Variants in CNTNAP2 observed in about 807,000 individuals in gnomAD.
CNTNAP2 encodes contactin associated protein 2.
A neutral mutation model predicts 155.2 loss-of-function variants in CNTNAP2; 98 were observed. The ratio of observed to expected loss-of-function variants is 0.63; its 90% CI spans 0.54 to 0.75. The LOEUF (loss-of-function observed/expected upper bound fraction) is 0.75, where lower values mean the gene tolerates loss of function less well. Among genes scored for constraint, CNTNAP2 ranks in the 30% least tolerant of loss-of-function variants. CNTNAP2 has a pLI of 0.00. For missense variants in CNTNAP2, 1,727 were observed against 1,688.1 expected (o/e 1.02, Z -0.40); for synonymous variants, 651 against 631.2 (o/e 1.03, Z -0.47).
At chr7:147,348,873 AAGTG>A (rs1795923541) in intron 9 of CNTNAP2, among the ~76,000 whole-genome samples, 1 of 151,966 alleles carries the variant, frequency 6.6e-6, no homozygotes, top group Non-Finnish European at 1.5e-5. Context: ...GACACTGTGT[AAGTG>A]TCAGGAATAG....
intron 15 of CNTNAP2, among the ~76,000 whole-genome samples, chr7:148,021,926 A>G (rs1802285932): frequency 6.6e-6 from 1 of 152,098 alleles, no homozygotes; most frequent in South Asian, 2.1e-4. Flanking sequence ...TTGTCACAAG[A>G]GGCACTACTT....
At chr7:147,753,048 T>C (rs1797162268) in intron 13 of CNTNAP2, among the ~76,000 whole-genome samples, 1 of 152,224 alleles carries the variant, frequency 6.6e-6, no homozygotes, top group Non-Finnish European at 1.5e-5. Flanking sequence ...TACTCTCTTA[T>C]ATACCTATCT....
intron 9 of CNTNAP2, among the ~76,000 whole-genome samples, chr7:147,389,480 C>G (rs1796674119): frequency 6.6e-6 from 1 of 152,164 alleles, no homozygotes; most frequent in African/African-American, 2.4e-5. Flanking sequence ...AATGTCAAAA[C>G]AAATATCAGC....
intron 10 of CNTNAP2, among the ~76,000 whole-genome samples, chr7:147,444,290 G>A (rs6464801): frequency 0.67 from 101,672 of 151,990 alleles, 35,311 homozygotes; most frequent in African/African-American, 0.87. Flanking sequence ...GAGAACACAA[G>A]AGATCAACAA....
chr7:147,247,578 G>T (rs1320371513), intron 8 of CNTNAP2, among the ~76,000 whole-genome samples: 1 of 152,016 alleles, frequency 6.6e-6, no homozygotes, highest in Admixed American at 6.6e-5. Context: ...ACTTAGTATA[G>T]GTTATACATT....
chr7:146,191,331 A>T (rs571748878), intron 1 of CNTNAP2, among the ~76,000 whole-genome samples: 1 of 152,166 alleles, frequency 6.6e-6, no homozygotes, highest in South Asian at 2.1e-4. Context: ...GAGTGTACGA[A>T]TAGGGTGTGG....
At chr7:146,864,728 G>C (rs1795168474) in intron 3 of CNTNAP2, among the ~76,000 whole-genome samples, 1 of 152,004 alleles carries the variant, frequency 6.6e-6, no homozygotes, top group Non-Finnish European at 1.5e-5. Context: ...GGTGGCTCAA[G>C]CCTGTAATCT....
chr7:148,404,027 G>A (rs567562851), intron 22 of CNTNAP2, among the ~76,000 whole-genome samples: 1 of 152,346 alleles, frequency 6.6e-6, no homozygotes, highest in South Asian at 2.1e-4. Context: ...TTGTTAGGAA[G>A]AATAAGAAAC....
chr7:146,439,189 A>T (rs1796285359), intron 1 of CNTNAP2, among the ~76,000 whole-genome samples: 1 of 151,492 alleles, frequency 6.6e-6, no homozygotes, highest in Admixed American at 6.6e-5. Context: ...TCCCTTCCTT[A>T]TATTTCCAGT....
intron 13 of CNTNAP2, among the ~76,000 whole-genome samples, chr7:147,641,183 C>T (rs1291787475): frequency 1.4e-5 from 2 of 142,834 alleles, no homozygotes; most frequent in Admixed American, 8.3e-5. Context: ...TTTAAAAGAC[C>T]CCTTTTCCCC....
chr7:146,394,447 C>A (rs1795590479), intron 1 of CNTNAP2, among the ~76,000 whole-genome samples: 1 of 152,046 alleles, frequency 6.6e-6, no homozygotes. Flanking sequence ...CTAGTTTCCA[C>A]ATTTTATAAA....
At chr7:147,135,074 C>CT (rs1211076688) in intron 8 of CNTNAP2, among the ~76,000 whole-genome samples, 2 of 151,726 alleles carry the variant, frequency 1.3e-5, no homozygotes, top group Non-Finnish European at 3.0e-5. Flanking sequence ...GATCAAAAAC[C>CT]TTTTTTTCCA....
chr7:146,183,543 C>T (rs1798578999), intron 1 of CNTNAP2, among the ~76,000 whole-genome samples: 1 of 151,742 alleles, frequency 6.6e-6, no homozygotes, highest in Non-Finnish European at 1.5e-5. Context: ...AAACAAGAGG[C>T]TGAGTCAGCC....
At chr7:148,099,154 A>G (rs1804039404) in intron 15 of CNTNAP2, among the ~76,000 whole-genome samples, 1 of 152,248 alleles carries the variant, frequency 6.6e-6, no homozygotes, top group South Asian at 2.1e-4. Context: ...TGTTCACATT[A>G]AACTTTCCGT....
intron 1 of CNTNAP2, among the ~76,000 whole-genome samples, chr7:146,623,352 A>G (rs1432678017): frequency 6.6e-6 from 1 of 152,158 alleles, no homozygotes; most frequent in Non-Finnish European, 1.5e-5. Context: ...TGACAATTGC[A>G]TAATATATAT....
intron 1 of CNTNAP2, among the ~76,000 whole-genome samples, chr7:146,443,231 AATAAATAAATAAATAAATAAATAAATAG>A (rs1475698670): frequency 1.9e-5 from 1 of 52,694 alleles, no homozygotes; most frequent in East Asian, 3.4e-4. Flanking sequence ...ATAAATAAAT[AATAAATAAATAAATAAATAAATAAATAG>A]ATAAATAAAA....
At chr7:147,675,055 C>A (rs555768349) in intron 13 of CNTNAP2, among the ~76,000 whole-genome samples, 1 of 152,096 alleles carries the variant, frequency 6.6e-6, no homozygotes, top group African/African-American at 2.4e-5. Context: ...TTCTAGAAGC[C>A]AGAAGTTTGA....
intron 12 of CNTNAP2, among the ~76,000 whole-genome samples, chr7:147,584,660 G>T (rs1410934794): frequency 6.6e-6 from 1 of 152,190 alleles, no homozygotes; most frequent in Non-Finnish European, 1.5e-5. Context: ...GTTTAAATCT[G>T]TAAATGGAAT....
intron 1 of CNTNAP2, among the ~76,000 whole-genome samples, chr7:146,237,844 C>T (rs1292394976): frequency 1.3e-5 from 2 of 152,174 alleles, no homozygotes; most frequent in Non-Finnish European, 2.9e-5. Context: ...CTTTCTTTAA[C>T]CCAGAATTGC....
Sources: gnomAD v4.1 joint callset for allele counts (sites outside exome capture counted in the v4.1 genomes callset) on GRCh38, gnomAD v4.1.1 for gene constraint, MANE v1.5 for transcripts, NCBI Gene and HGNC (gene_info 2026-07-23, HGNC 2026-07-21) for gene names.